The following UBP1 variants were observed in gnomAD, a reference collection of about 807,000 sequenced individuals.
The protein encoded by UBP1 is upstream binding protein 1, also known as upstream-binding protein 1.
Under a neutral mutation model 76.1 loss-of-function variants are expected in UBP1, and 22 were observed. The observed-to-expected ratio is 0.29, with a 90% CI of 0.21 to 0.41. The LOEUF (loss-of-function observed/expected upper bound fraction) is 0.41, where lower values mean the gene tolerates loss of function less well. Among genes scored for constraint, UBP1 ranks in the 10% least tolerant of loss-of-function variants. The pLI is 1.00. For synonymous variants in UBP1, 224 were observed against 237.1 expected (o/e 0.94, Z 0.51); for missense variants, 436 against 668.1 (o/e 0.65, Z 3.83).
At chr3:33,393,646 C>T (rs367867503) in intron 13 of UBP1, among the ~76,000 whole-genome samples, 192 bp from the exon 14 acceptor site, 9 of 152,192 alleles carry the variant, frequency 5.9e-5, no homozygotes, top group Admixed American at 6.5e-5. Flanking sequence ...CAATCTAAAA[C>T]GTAAGAATAC....
chr3:33,425,869 T>TC, intron 1 of UBP1, 128 bp from the exon 2 acceptor site: 1 of 777,758 alleles, frequency 1.3e-6, no homozygotes, highest in South Asian at 3.7e-5. Context: ...GGGATAGTTT[T>TC]TTTTTTAAGA....
chr3:33,396,256 G>C lies in UBP1; in HGVS notation c.1296C>G (p.Ile432Met), dbSNP rs746806075. ...TGCTTGGCTGCTCCCGGCAGACATA[G>C]ATGGTTAAACGGGGTCTAACCGACC... ...KSRSVRPRLT[I>M]YVCREQPSST... The change falls in exon 13 of 16, where the codon ATC (isoleucine) becomes ATG (methionine). Residue 432 changes from isoleucine (I) to methionine (M), a missense_variant. Ile to Met is a conservative substitution (Grantham distance 10, BLOSUM62 1). Around this residue, in one of 3 missense-constraint regions of UBP1, gnomAD observed 210 missense variants for 272.8 expected, o/e 0.77. Coordinates refer to ENST00000283629, the MANE Select transcript of UBP1 (RefSeq NM_014517.5). 2.5e-6 allele frequency: 4 copies of C among 1,586,322 alleles called. No homozygotes were observed. Among genetic ancestry groups the C allele is most frequent in the Non-Finnish European group, 2.6e-6 (3 of 1,157,878 alleles).
In UBP1 at chr3:33,389,023, C is replaced by T. The variant is rs572499357; in HGVS notation, c.*1308G>A. ...ATAGAAGTTAAAAAAAAAATTCAGT[C>T]CCCTACACCACAGGCCTCAAACATG... On this transcript the variant is annotated 3_prime_UTR_variant, in exon 16 of 16. Transcript: ENST00000283629. The T allele has an allele frequency of 6.6e-6, 1 of 152,480 alleles. No homozygotes were observed. The highest frequency in any genetic ancestry group is 1.9e-4 in the East Asian group (1 of 5,176). 9.4% of individuals were successfully genotyped at this position (152,480 alleles called of 1,614,324 possible).
intron 11 of UBP1, among the ~76,000 whole-genome samples, chr3:33,399,093 A>C (rs1278362003): frequency 6.6e-6 from 1 of 152,242 alleles, no homozygotes; most frequent in African/African-American, 2.4e-5. Flanking sequence ...GTGTGCACAC[A>C]CAAGTTCTGT....
intron 11 of UBP1, among the ~76,000 whole-genome samples, chr3:33,398,735 G>A (rs1057261587): frequency 3.9e-5 from 6 of 152,222 alleles, no homozygotes; most frequent in African/African-American, 1.4e-4. Context: ...TCACCAGATA[G>A]AAACATGGAT....
chr3:33,392,591 C>T lies in UBP1; in HGVS notation c.1557G>A (p.Glu519=). ...TTACTGTGGAGAATAAAAAACAACT[C>T]TCATCTTGAAAATTCTGAACCATCT... ...SDQMVQNFQD[E]SCFLFSTVKA... Residue 519 remains glutamate (E), a synonymous_variant, in exon 15 of 16, where the codon GAG becomes GAA. Transcript: ENST00000283629. The T allele has an allele frequency of 1.2e-6, 2 of 1,611,988 alleles. No individual in the cohort carries two copies. The highest frequency in any genetic ancestry group is 1.7e-4 in the Middle Eastern group (1 of 6,060).
At chr3:33,410,616 C>T (rs1003485232) in intron 5 of UBP1, among the ~76,000 whole-genome samples, 1 of 152,124 alleles carries the variant, frequency 6.6e-6, no homozygotes, top group African/African-American at 2.4e-5. Flanking sequence ...TATTACCTAC[C>T]TGGTAGTTTA....
chr3:33,391,014 G>A (rs1003721146), intron 15 of UBP1: 7 of 152,326 alleles, frequency 4.6e-5, no homozygotes, highest in African/African-American at 7.2e-5. Flanking sequence ...TGCAATTATA[G>A]TATATGTCTT....
In UBP1 at chr3:33,390,278, C is replaced by A. The variant is rs531661403; in HGVS notation, c.*53G>T. 5.8e-6 allele frequency: 9 copies of A among 1,552,326 alleles called. No individual in the cohort carries two copies. Among genetic ancestry groups the A allele is most frequent in the East Asian group, 2.3e-5 (1 of 44,380 alleles). ...AGACTTCTTGGATTCAGTCTTCACA[C>A]ACTTTTAAGCGTGACTATTTGGTAC... On this transcript the variant is annotated 3_prime_UTR_variant, in exon 16 of 16. Transcript: ENST00000283629.
chr3:33,433,054 A>C (rs550311489), intron 1 of UBP1, among the ~76,000 whole-genome samples: 1 of 151,238 alleles, frequency 6.6e-6, no homozygotes, highest in African/African-American at 2.4e-5. Flanking sequence ...TGTCCAAAAA[A>C]CTCAGAGTTT....
At chr3:33,407,572 A>G (rs569469213) in intron 8 of UBP1, among the ~76,000 whole-genome samples, 1 of 152,034 alleles carries the variant, frequency 6.6e-6, no homozygotes, top group African/African-American at 2.4e-5. Context: ...AAGCCCAGTT[A>G]AAGAAAATGT....
rs1407976372 is a variant in UBP1 at position 33,395,766 on chromosome 3, AAAAAAAAG to A, written c.1390+388_1390+395del. Among the ~76,000 whole-genome samples, 3 of 151,340 alleles carry A rather than the reference AAAAAAAAG, an allele frequency of 2.0e-5. No individual in the cohort carries two copies. In the East Asian group the frequency reaches 5.8e-4, roughly 29 times the overall value. ...AGGAAAATTGAAAAAAAAAAAAAAAAAAAAAAAGAAAAAGGAAAGAAAAACCCTCCTGC... is the reference window on the plus strand; with the variant it reads ...AGGAAAATTGAAAAAAAAAAAAAAAAAAAAAGGAAAGAAAAACCCTCCTGC... On this transcript the variant is annotated intron_variant, in intron 13 of 15. Coordinates refer to ENST00000283629, the MANE Select transcript of UBP1 (RefSeq NM_014517.5).
At chr3:33,430,653 G>T (rs1370650373) in intron 1 of UBP1, among the ~76,000 whole-genome samples, 1 of 152,160 alleles carries the variant, frequency 6.6e-6, no homozygotes, top group South Asian at 2.1e-4. Context: ...ATTCTTGCTA[G>T]ACAGTCTTGT....
chr3:33,417,129 T>C (rs1234317670), intron 2 of UBP1, among the ~76,000 whole-genome samples: 3 of 152,228 alleles, frequency 2.0e-5, no homozygotes, highest in African/African-American at 7.2e-5. Context: ...TAACAGCTTT[T>C]CTGAGATATA....
At chr3:33,424,820 CG>C (rs1050983873) in intron 2 of UBP1, among the ~76,000 whole-genome samples, 29 of 152,232 alleles carry the variant, frequency 1.9e-4, no homozygotes, top group Admixed American at 9.2e-4. Flanking sequence ...CCGAGGCAGG[CG>C]GATCACTTAA....
In UBP1 at chr3:33,388,877, A is replaced by C. The variant is rs1209437876; in HGVS notation, c.*1454T>G. On this transcript the variant is annotated 3_prime_UTR_variant, in exon 16 of 16. Coordinates refer to ENST00000283629, the MANE Select transcript of UBP1 (RefSeq NM_014517.5). ...ACTGAAGTAGTTTGTCTTCTGGGAG[A>C]GATTTCAAACTCAAAATTACTCATT... is the stretch of plus-strand genomic sequence containing the variant. 2.0e-5 allele frequency: 3 copies of C among 152,216 alleles called. No individual in the cohort carries two copies. Among genetic ancestry groups the C allele is most frequent in the Non-Finnish European group, 2.9e-5 (2 of 68,040 alleles). 9.4% of individuals were successfully genotyped at this position (152,216 alleles called of 1,614,324 possible). A position where few individuals can be genotyped will look rare whatever the true frequency, so the allele number is the denominator to read the frequency against.
At chr3:33,401,097 T>TTGTGGCCGGGCGCGGTGGCTCACGCC in intron 9 of UBP1, 81 bp from the exon 10 acceptor site, 1 of 1,343,928 alleles carries the variant, frequency 7.4e-7, no homozygotes, top group Non-Finnish European at 1.0e-6. Flanking sequence ...AGCTGTTGCA[T>TTGTGGCCGGGCGCGGTGGCTCACGCC]TGTAACTATG....
rs142471871 is a variant in UBP1 at position 33,420,591 on chromosome 3, C to T, written c.266-3757G>A. On this transcript the variant is annotated intron_variant, in intron 2 of 15. Coordinates refer to ENST00000283629, the MANE Select transcript of UBP1 (RefSeq NM_014517.5). ...GCAACCTCCGCCTCCTGGGTTCAAA[C>T]GGTTCTCCTGCCTCAGCCTCCTGAG... 3.1e-3 allele frequency among the ~76,000 whole-genome samples: 469 copies of T among 149,138 alleles called. 2 individuals are homozygous for T. Among genetic ancestry groups the T allele is most frequent in the African/African-American group, 0.011 (434 of 40,456 alleles).
At chr3:33,416,691 T>C (rs142399104) in intron 3 of UBP1, 67 bp downstream of exon 3, 15,958 of 1,263,592 alleles carry the variant, frequency 0.013, 130 homozygotes, top group Non-Finnish European at 0.015. Flanking sequence ...GAAATTAATT[T>C]TTTTTTAAAC....
Sources: allele counts gnomAD v4.1 joint callset (sites outside exome capture counted in the v4.1 genomes callset), GRCh38; gene constraint gnomAD v4.1.1; regional missense constraint gnomAD v4.1.1; transcripts MANE v1.5; gene names NCBI Gene and HGNC (gene_info 2026-07-23, HGNC 2026-07-21).